CNTN5: variants seen among roughly 807,000 people sequenced by gnomAD.
The protein encoded by CNTN5 is contactin-5.
A neutral mutation model predicts 129.1 loss-of-function variants in CNTN5; 77 were observed. The observed-to-expected ratio is 0.60, with a 90% CI of 0.50 to 0.72. The LOEUF is 0.72. CNTN5 is among the 30% of genes least tolerant of loss of function. CNTN5 has a pLI of 0.00. For synonymous variants in CNTN5, 509 were observed against 465.6 expected (o/e 1.09, Z -1.20); for missense variants, 1,478 against 1,328.8 (o/e 1.11, Z -1.75).
At chr11:99,457,902 T>C (rs553678446) in intron 2 of CNTN5, among the ~76,000 whole-genome samples, 1 of 151,980 alleles carries the variant, frequency 6.6e-6, no homozygotes, top group African/African-American at 2.4e-5. Flanking sequence ...GGATTTTAGA[T>C]TAATGTAACG....
intron 1 of CNTN5, among the ~76,000 whole-genome samples, chr11:99,043,918 G>A (rs1591096150): frequency 1.3e-5 from 2 of 152,156 alleles, no homozygotes; most frequent in South Asian, 4.1e-4. Context: ...GATGTTCGAT[G>A]TTAAATGAGA....
At chr11:99,417,693 GACTCTTCATTTCCATTCTTTTGTAA>G (rs2135038813) in intron 2 of CNTN5, among the ~76,000 whole-genome samples, 1 of 152,112 alleles carries the variant, frequency 6.6e-6, no homozygotes, top group Non-Finnish European at 1.5e-5. Context: ...TGAAAGCAGA[GACTCTTCATTTCCATTCTTTTGTAA>G]ATTCATGGTG....
At chr11:99,944,768 T>A (rs1371343374) in intron 7 of CNTN5, among the ~76,000 whole-genome samples, 3 of 152,050 alleles carry the variant, frequency 2.0e-5, no homozygotes, top group Non-Finnish European at 2.9e-5. Flanking sequence ...TCACAATTGC[T>A]ACAAAGAGAA....
intron 6 of CNTN5, among the ~76,000 whole-genome samples, chr11:99,864,824 T>A (rs1168841303): frequency 6.6e-6 from 1 of 152,214 alleles, no homozygotes; most frequent in East Asian, 1.9e-4. Flanking sequence ...CACATATAAA[T>A]ACATGAAAGT....
intron 2 of CNTN5, among the ~76,000 whole-genome samples, chr11:99,379,508 A>G (rs974391397): frequency 6.6e-6 from 1 of 152,176 alleles, no homozygotes; most frequent in African/African-American, 2.4e-5. Flanking sequence ...TATGACATGA[A>G]AGGAGATATT....
At chr11:99,250,153 C>G (rs1367004938) in intron 1 of CNTN5, among the ~76,000 whole-genome samples, 1 of 151,834 alleles carries the variant, frequency 6.6e-6, no homozygotes, top group Non-Finnish European at 1.5e-5. Context: ...TTGGCATTGT[C>G]TTGGTATAAT....
intron 8 of CNTN5, among the ~76,000 whole-genome samples, chr11:99,988,634 T>C (rs2137398508): frequency 6.6e-6 from 1 of 152,338 alleles, no homozygotes. Flanking sequence ...TTAAGGTCTG[T>C]AATACAGCTT....
intron 2 of CNTN5, among the ~76,000 whole-genome samples, chr11:99,335,117 C>T (rs1034759651): frequency 6.6e-6 from 1 of 152,168 alleles, no homozygotes; most frequent in Non-Finnish European, 1.5e-5. Context: ...AGCAAATATT[C>T]AGCATTTGTT....
intron 3 of CNTN5, among the ~76,000 whole-genome samples, chr11:99,681,978 T>G (rs905584968): frequency 1.3e-5 from 2 of 151,762 alleles, no homozygotes; most frequent in African/African-American, 2.4e-5. Context: ...GTTAATGGAG[T>G]GGAATTTCAG....
At chr11:99,349,872 C>A (rs11219510) in intron 2 of CNTN5, among the ~76,000 whole-genome samples, 1 of 152,132 alleles carries the variant, frequency 6.6e-6, no homozygotes, top group Admixed American at 6.5e-5. Context: ...TACCACTGAT[C>A]TCTCTGATTT....
At chr11:100,056,493 T>C (rs1257328000) in intron 9 of CNTN5, among the ~76,000 whole-genome samples, 1 of 151,608 alleles carries the variant, frequency 6.6e-6, no homozygotes, top group Non-Finnish European at 1.5e-5. Context: ...GAGTGTTTCT[T>C]AAAAGGATAA....
At chr11:99,125,101 C>T (rs1446074368) in intron 1 of CNTN5, among the ~76,000 whole-genome samples, 1 of 152,000 alleles carries the variant, frequency 6.6e-6, no homozygotes, top group Non-Finnish European at 1.5e-5. Flanking sequence ...AGGACTCCTC[C>T]ATAACTCATT....
chr11:99,685,416 T>C (rs565607448), intron 3 of CNTN5, among the ~76,000 whole-genome samples: 2 of 152,052 alleles, frequency 1.3e-5, no homozygotes, highest in African/African-American at 4.8e-5. Context: ...TCTTCCCTTC[T>C]GATTTTCTTT....
intron 13 of CNTN5, among the ~76,000 whole-genome samples, chr11:100,171,456 C>T (rs1433889794): frequency 6.6e-6 from 1 of 151,890 alleles, no homozygotes; most frequent in Admixed American, 6.6e-5. Context: ...TGTCCTTTTC[C>T]TTTTTAGTCA....
At chr11:99,386,877 G>A (rs977484318) in intron 2 of CNTN5, among the ~76,000 whole-genome samples, 1 of 151,332 alleles carries the variant, frequency 6.6e-6, no homozygotes, top group African/African-American at 2.4e-5. Flanking sequence ...TTCTCCTCAA[G>A]TTTATATAGT....
In CNTN5 at chr11:99,448,712, C is replaced by T. The variant is rs375066628; in HGVS notation, c.-70-107433C>T. The stretch of plus-strand genomic sequence containing the variant: ...GAGGCTCAAAAAGTTGCATAATTTG[C>T]CTAAAATTGTACAATTGTTTTTATT... On this transcript the variant is annotated intron_variant, in intron 2 of 24. Coordinates refer to ENST00000524871, the MANE Select transcript of CNTN5 (RefSeq NM_014361.4). Among the ~76,000 whole-genome samples the T allele has an allele frequency of 5.4e-5, 8 of 147,154 alleles. No homozygotes were observed. The South Asian group carries it at 1.1e-3, about 20-fold the overall frequency.
At chr11:99,348,999 T>C (rs923893199) in intron 2 of CNTN5, among the ~76,000 whole-genome samples, 4 of 152,172 alleles carry the variant, frequency 2.6e-5, no homozygotes, top group African/African-American at 9.7e-5. Context: ...GTCACAAAGC[T>C]TTTATTCTAG....
At chr11:99,245,728 G>C (rs1261426034) in intron 1 of CNTN5, among the ~76,000 whole-genome samples, 1 of 152,120 alleles carries the variant, frequency 6.6e-6, no homozygotes, top group Non-Finnish European at 1.5e-5. Flanking sequence ...ACATGTTTCT[G>C]TCATCTAACG....
At chr11:99,059,041 C>A (rs1331433892) in intron 1 of CNTN5, among the ~76,000 whole-genome samples, 1 of 148,370 alleles carries the variant, frequency 6.7e-6, no homozygotes. Context: ...CCCTCCCTCC[C>A]TCCCTCCTTC....
Sources: gnomAD v4.1 joint callset for allele counts (sites outside exome capture counted in the v4.1 genomes callset) on GRCh38, gnomAD v4.1.1 for gene constraint, MANE v1.5 for transcripts, NCBI Gene and HGNC (gene_info 2026-07-23, HGNC 2026-07-21) for gene names.